ZBTB22: variants seen among roughly 807,000 people sequenced by gnomAD.
The protein encoded by ZBTB22 is zinc finger and BTB domain-containing protein 22.
For synonymous variants in ZBTB22, 356 were observed against 347.3 expected (o/e 1.03, Z -0.28); for missense variants, 668 against 834.1 (o/e 0.80, Z 2.45).
intron 1 of ZBTB22, 63 bp downstream of exon 1, chr6:33,317,590 G>T (rs1372708945): frequency 3.1e-5 from 3 of 96,282 alleles, no homozygotes; most frequent in African/African-American, 1.2e-4. Flanking sequence ...TCCGCCCCAA[G>T]CGCTACCTCG....
chr6:33,315,737 C>T lies in ZBTB22; in HGVS notation c.1180G>A (p.Ala394Thr). Residue 394 changes from alanine (A) to threonine (T), a missense_variant, in exon 2 of 2, where the codon GCA (alanine) becomes ACA (threonine). By Grantham distance (58) the Ala-to-Thr change is moderately conservative. Coordinates refer to ENST00000431845, the MANE Select transcript of ZBTB22 (RefSeq NM_005453.5). This position sits in a 1 kb window ranked among gnomAD's most constrained non-coding sequence, Gnocchi z 5.4. ...FGPYEGGGPV[A>T]GLDDSGGPTP... ...GGCCCCCCTGAGTCATCAAGACCTG[C>T]CACAGGACCCCCACCCTCATATGGG... 1 of 1,612,764 alleles carries T rather than the reference C, an allele frequency of 6.2e-7. No homozygotes were observed.
chr6:33,315,546 C>A lies in ZBTB22; in HGVS notation c.1371G>T (p.Gly457=), dbSNP rs576744156. 7 of 1,614,040 alleles carry A rather than the reference C, an allele frequency of 4.3e-6. No homozygotes were observed. The South Asian group carries it at 7.7e-5, about 18-fold the overall frequency. The change falls in exon 2 of 2, where the codon GGG becomes GGT. Residue 457 remains glycine, a synonymous_variant. Coordinates refer to ENST00000431845, the MANE Select transcript of ZBTB22 (RefSeq NM_005453.5). The surrounding 1 kb of genome is among the most constrained non-coding windows in gnomAD (Gnocchi z 5.4). ...CACCCAGGCTCCCCACCGACGTGCC[C>A]CCCACGGTCACTGCCCCGTGTTCTG... ...NQAEHGAVTV[G]GTSVGSLGVP... is the part of the protein sequence containing the mutation.
chr6:33,317,699 G>A lies in ZBTB22; in HGVS notation c.-116C>T, dbSNP rs1259080421. The A allele has an allele frequency of 1.3e-5, 1 of 79,458 alleles. No homozygotes were observed. The highest frequency in any genetic ancestry group is 5.1e-5 in the African/African-American group (1 of 19,476). 4.9% of individuals were successfully genotyped at this position (79,458 alleles called of 1,614,324 possible). ...CCCCCCGCCCCTCACTCGGCGGCCA[G>A]AGCAGCAACCTGGGCCCCTCCCGCC... On this transcript the variant is annotated 5_prime_UTR_variant, in exon 1 of 2. Coordinates refer to ENST00000431845, the MANE Select transcript of ZBTB22 (RefSeq NM_005453.5).
chr6:33,315,218 G>C lies in ZBTB22; in HGVS notation c.1699C>G (p.His567Asp), dbSNP rs1469179937. 1 of 1,612,848 alleles carries C rather than the reference G, an allele frequency of 6.2e-7. No individual in the cohort carries two copies. The highest frequency in any genetic ancestry group is 2.2e-5 in the East Asian group (1 of 44,884). ...ACGGCCCCGACCCCGCCCAGGCGGT[G>C]CCGGCGCTCACAGTGTCCTCGGTGG... is the stretch of plus-strand genomic sequence containing the variant. ...MRHRGHCERRHRLGGVGAVPG... is the reference protein window; with the variant it reads ...MRHRGHCERRDRLGGVGAVPG... The change falls in exon 2 of 2, where the codon CAC (histidine) becomes GAC (aspartate). Residue 567 changes from histidine (H) to aspartate (D), a missense_variant. Coordinates refer to ENST00000431845, the MANE Select transcript of ZBTB22 (RefSeq NM_005453.5). The surrounding 1 kb of genome is among the most constrained non-coding windows in gnomAD (Gnocchi z 5.4).
Position 33,316,441 on chromosome 6 carries a change from G to A in ZBTB22, c.476C>T (p.Thr159Ile), listed in dbSNP as rs770389288. ...EGRASATTTI[T>I]TAAATSVTVP... ...AGTGACAGAGGTGGCTGCAGCAGTA[G>A]TGATGGTGGTGGTAGCTGAGGCCCG... Residue 159 changes from threonine (T) to isoleucine (I), a missense_variant, in exon 2 of 2, where the codon ACT (threonine) becomes ATT (isoleucine). By Grantham distance (89) the Thr-to-Ile change is moderately conservative. Transcript: ENST00000431845. This position sits in a 1 kb window ranked among gnomAD's most constrained non-coding sequence, Gnocchi z 7.2. The A allele has an allele frequency of 1.9e-6, 3 of 1,614,184 alleles. No individual in the cohort carries two copies. The highest frequency in any genetic ancestry group is 2.2e-5 in the South Asian group (2 of 91,080).
Position 33,316,474 on chromosome 6 carries a change from C to G in ZBTB22, c.443G>C (p.Arg148Pro). The change falls in exon 2 of 2, where the codon CGA becomes CCA. Residue 148 changes from arginine (R) to proline (P), a missense_variant. Physicochemically the swap from Arg to Pro is moderately radical, Grantham distance 103. Transcript: ENST00000431845. The surrounding 1 kb of genome is among the most constrained non-coding windows in gnomAD (Gnocchi z 7.2). ...HIVDKCTELL[R>P]EGRASATTTI... ...GGTGGTAGCTGAGGCCCGGCCTTCT[C>G]GGAGTAGTTCAGTGCACTTGTCCAC... is the stretch of plus-strand genomic sequence containing the variant. 6.2e-7 allele frequency: 1 copy of G among 1,614,176 alleles called. No individual in the cohort carries two copies. Among genetic ancestry groups the G allele is most frequent in the Non-Finnish European group, 8.5e-7 (1 of 1,180,026 alleles).
rs748389257 is a variant in ZBTB22, at chr6:33,316,251, T to C, written c.666A>G (p.Gln222=). The stretch of plus-strand genomic sequence containing the variant: ...CCACTGCAGAAGCTGCAAATGCCTC[T>C]TGGGAGGAAGATGAGAAATCAGTGG... ...RESTDFSSSS[Q]EAFAASAVGS... The change falls in exon 2 of 2, where the codon CAA becomes CAG. Residue 222 remains glutamine (Q), a synonymous_variant. Transcript: ENST00000431845. This position sits in a 1 kb window ranked among gnomAD's most constrained non-coding sequence, Gnocchi z 7.2. 2.5e-6 allele frequency: 4 copies of C among 1,614,066 alleles called. No homozygotes were observed. The Admixed American group carries it at 5.0e-5, about 20-fold the overall frequency.
chr6:33,317,495 A>ACC (rs9257105), intron 1 of ZBTB22, among the ~76,000 whole-genome samples, 158 bp downstream of exon 1: 19,688 of 84,034 alleles, frequency 0.23, 2,610 homozygotes, highest in Non-Finnish European at 0.28. Flanking sequence ...TTCCAGGCCC[A>ACC]CCCCCCCGTG....
Position 33,315,697 on chromosome 6 carries a change from T to C in ZBTB22, c.1220A>G (p.Tyr407Cys), listed in dbSNP as rs779473033. 4.3e-6 allele frequency: 7 copies of C among 1,612,838 alleles called. No individual in the cohort carries two copies. The highest frequency in any genetic ancestry group is 1.7e-5 in the Admixed American group (1 of 59,948). Residue 407 changes from tyrosine (Y) to cysteine (C), a missense_variant, in exon 2 of 2, where the codon TAT (tyrosine) becomes TGT (cysteine). Coordinates refer to ENST00000431845, the MANE Select transcript of ZBTB22 (RefSeq NM_005453.5). This position sits in a 1 kb window ranked among gnomAD's most constrained non-coding sequence, Gnocchi z 5.4. ...CGGTCGAGGAGGGTGGGAGGGGGCA[T>C]AGGAAGAGGGAGTTGGCCCCCCTGA... ...DDSGGPTPSS[Y>C]APSHPPRPLL...
chr6:33,315,459 A>T lies in ZBTB22; in HGVS notation c.1458T>A (p.Phe486Leu). 1 of 1,613,980 alleles carries T rather than the reference A, an allele frequency of 6.2e-7. No individual in the cohort carries two copies. The highest frequency in any genetic ancestry group is 1.1e-5 in the South Asian group (1 of 91,076). ...AGAAGGCCTTCCCACAATGGCACAG[A>T]AAGATCTTATTCCCGTCCCCACTGC... ...GTGSGDGNKIFLCHCGKAFSH... is the reference protein window; with the variant it reads ...GTGSGDGNKILLCHCGKAFSH... The change falls in exon 2 of 2, where the codon TTT becomes TTA. Residue 486 changes from phenylalanine (F) to leucine (L), a missense_variant. By Grantham distance (22) the Phe-to-Leu change is conservative. Transcript: ENST00000431845. This position sits in a 1 kb window ranked among gnomAD's most constrained non-coding sequence, Gnocchi z 5.4.
Position 33,314,805 on chromosome 6 carries a change from C to T in ZBTB22, c.*207G>A, listed in dbSNP as rs553715980. On this transcript the variant is annotated 3_prime_UTR_variant, in exon 2 of 2. Coordinates refer to ENST00000431845, the MANE Select transcript of ZBTB22 (RefSeq NM_005453.5). ...TCAGAGGGAAAGGAAGGGTTTAGTT[C>T]TGGAAATACCTTGGGGGGGAGGGGT... The T allele has an allele frequency of 9.8e-7, 1 of 1,024,454 alleles. No individual in the cohort carries two copies. The highest frequency in any genetic ancestry group is 1.3e-6 in the Non-Finnish European group (1 of 744,098). 63.5% of individuals were successfully genotyped at this position (1,024,454 alleles called of 1,614,324 possible).
rs747749898 is a variant in ZBTB22, at chr6:33,314,916, A to G, written c.*96T>C. Reference sequence around the variant, plus strand: ...GTCCACAGAGATAAAGGAAGACAGTAAGTGTGGTGGGAGATCACCCGGGGG... The same window carrying G: ...GTCCACAGAGATAAAGGAAGACAGTGAGTGTGGTGGGAGATCACCCGGGGG... On this transcript the variant is annotated 3_prime_UTR_variant, in exon 2 of 2. Transcript: ENST00000431845. 4.0e-6 allele frequency: 6 copies of G among 1,496,634 alleles called. No individual in the cohort carries two copies. The highest frequency in any genetic ancestry group is 5.3e-6 in the Non-Finnish European group (6 of 1,122,770). The allele number at this position is 1,496,634 out of a possible 1,614,324, so 92.7% of individuals were successfully genotyped here.
In ZBTB22 at chr6:33,316,340, C is replaced by T. The variant is rs779096986; in HGVS notation, c.577G>A (p.Ala193Thr). The change falls in exon 2 of 2, where the codon GCC (alanine) becomes ACC (threonine). Residue 193 changes from alanine (A) to threonine (T), a missense_variant. Ala to Thr is a moderately conservative substitution (Grantham distance 58). Transcript: ENST00000431845. This position sits in a 1 kb window ranked among gnomAD's most constrained non-coding sequence, Gnocchi z 7.2. ...TGATTCTCACTGGCCCGGCTGGAGG[C>T]ATGGGAGCGCGCAGAGCCCATGGTA... ...PATMGSARSHASSRASENQSP... is the reference protein window; with the variant it reads ...PATMGSARSHTSSRASENQSP... 6 of 1,613,778 alleles carry T rather than the reference C, an allele frequency of 3.7e-6. No individual in the cohort carries two copies. Among genetic ancestry groups the T allele is most frequent in the Non-Finnish European group, 5.1e-6 (6 of 1,179,974 alleles).
At position 33,315,514 on chromosome 6, in the gene ZBTB22, C is replaced by T. The variant is rs1769789512; in HGVS notation, c.1403G>A (p.Gly468Asp). ...CCCTCCAGGGACCCCACCAACGCTACCCGGCACACCCAGGCTCCCCACCGA... is the reference window on the plus strand; with the variant it reads ...CCCTCCAGGGACCCCACCAACGCTATCCGGCACACCCAGGCTCCCCACCGA... ...GTSVGSLGVP[G>D]SVGGVPGGTG... The change falls in exon 2 of 2, where the codon GGT becomes GAT. Residue 468 changes from glycine (G) to aspartate (D), a missense_variant. Physicochemically the swap from Gly to Asp is moderately conservative, Grantham distance 94. Coordinates refer to ENST00000431845, the MANE Select transcript of ZBTB22 (RefSeq NM_005453.5). The surrounding 1 kb of genome is among the most constrained non-coding windows in gnomAD (Gnocchi z 5.4). The T allele has an allele frequency of 1.2e-6, 2 of 1,613,916 alleles. No individual in the cohort carries two copies. Among genetic ancestry groups the T allele is most frequent in the South Asian group, 2.2e-5 (2 of 91,062 alleles).
chr6:33,315,529 C>T lies in ZBTB22; in HGVS notation c.1388G>A (p.Ser463Asn). 2 of 1,613,962 alleles carry T rather than the reference C, an allele frequency of 1.2e-6. No homozygotes were observed. The highest frequency in any genetic ancestry group is 1.7e-6 in the Non-Finnish European group (2 of 1,179,988). Residue 463 changes from serine to asparagine, a missense_variant, in exon 2 of 2, where the codon AGC (serine) becomes AAC (asparagine). Transcript: ENST00000431845. The surrounding 1 kb of genome is among the most constrained non-coding windows in gnomAD (Gnocchi z 5.4). ...ACCAACGCTACCCGGCACACCCAGG[C>T]TCCCCACCGACGTGCCCCCCACGGT... ...AVTVGGTSVG[S>N]LGVPGSVGGV...
Position 33,315,126 on chromosome 6 carries a change from C to T in ZBTB22, c.1791G>A (p.Gly597=). 1.2e-6 allele frequency: 2 copies of T among 1,612,816 alleles called. No individual in the cohort carries two copies. The highest frequency in any genetic ancestry group is 1.7e-6 in the Non-Finnish European group (2 of 1,179,050). Residue 597 remains glycine (G), a synonymous_variant, in exon 2 of 2, where the codon GGG becomes GGA. Transcript: ENST00000431845. The surrounding 1 kb of genome is among the most constrained non-coding windows in gnomAD (Gnocchi z 5.4). ...PSKRESPGVG[G]GSGDEASAAT... ...CCGCACTCGCTTCGTCGCCGCTGCC[C>T]CCGCCCACTCCGGGAGACTCTCTCT...
Position 33,317,469 on chromosome 6 carries a change from C to T in ZBTB22, c.-70+184G>A, listed in dbSNP as rs868286419. ...ACCACGCCCCCTTTCGCCCCAGCTT[C>T]TCTAGCCCCGCCCCTTTCCAGGCCC... On this transcript the variant is annotated intron_variant, in intron 1 of 1. Coordinates refer to ENST00000431845, the MANE Select transcript of ZBTB22 (RefSeq NM_005453.5). 1.2e-3 allele frequency among the ~76,000 whole-genome samples: 165 copies of T among 136,006 alleles called. No homozygotes were observed. The Middle Eastern group carries it at 0.018, about 15-fold the overall frequency. The allele number at this position is 136,006 out of a possible 152,430, so 89.2% of individuals were successfully genotyped here. A position where few individuals can be genotyped will look rare whatever the true frequency, so the allele number is the denominator to read the frequency against.
chr6:33,316,865 ACAGCGG>A lies in ZBTB22; in HGVS notation c.46_51del (p.Pro16_Leu17del). ...AGGGGTAGTGGGGGCGGAGCCAGCG[ACAGCGG>A]CAGGGGAAGTGCTGCCCCACTGGGA... On this transcript the variant is annotated inframe_deletion, in exon 2 of 2. Coordinates refer to ENST00000431845, the MANE Select transcript of ZBTB22 (RefSeq NM_005453.5). This position sits in a 1 kb window ranked among gnomAD's most constrained non-coding sequence, Gnocchi z 7.2. The A allele has an allele frequency of 6.2e-7, 1 of 1,613,250 alleles. No individual in the cohort carries two copies. The highest frequency in any genetic ancestry group is 8.5e-7 in the Non-Finnish European group (1 of 1,179,656).
At position 33,315,660 on chromosome 6, in the gene ZBTB22, CAAGGG is replaced by C; in HGVS notation, c.1252_1256del (p.Pro418GlyfsTer50). ...CCAGGATCTGGTTGCCCTGCATGTC[CAAGGG>C]AAGGAGCGGTCGAGGAGGGTGGGAG... On this transcript the variant is annotated frameshift_variant, in exon 2 of 2. Transcript: ENST00000431845. LOFTEE classifies it low-confidence loss of function (END_TRUNC). The surrounding 1 kb of genome is among the most constrained non-coding windows in gnomAD (Gnocchi z 5.4). The C allele has an allele frequency of 6.2e-7, 1 of 1,613,884 alleles. No homozygotes were observed. The highest frequency in any genetic ancestry group is 8.5e-7 in the Non-Finnish European group (1 of 1,179,954).
Sources: gnomAD v4.1 joint callset for allele counts (sites outside exome capture counted in the v4.1 genomes callset) on GRCh38, gnomAD v4.1.1 for gene constraint, Gnocchi (gnomAD v3.1) non-coding constraint, MANE v1.5 for transcripts, NCBI Gene and HGNC (gene_info 2026-07-23, HGNC 2026-07-21) for gene names.